The following MACROD2 variants were observed in gnomAD, a reference collection of about 807,000 sequenced individuals.
MACROD2 encodes ADP-ribose glycohydrolase MACROD2.
A neutral mutation model predicts 70.4 loss-of-function variants in MACROD2; 36 were observed. The ratio of observed to expected loss-of-function variants is 0.51; its 90% CI spans 0.39 to 0.68. The LOEUF (loss-of-function observed/expected upper bound fraction) is 0.68. Among genes scored for constraint, MACROD2 ranks in the 30% least tolerant of loss-of-function variants. The pLI is 0.00. For synonymous variants in MACROD2, 172 were observed against 178.8 expected, an observed-to-expected ratio of 0.96 and a Z score of 0.30; for missense variants, 496 against 538.4, an observed-to-expected ratio of 0.92 and a Z score of 0.78.
chr20:16,042,370 A>G (rs1417031208), intron 16 of MACROD2, among the ~76,000 whole-genome samples: 1 of 152,018 alleles, frequency 6.6e-6, no homozygotes, highest in East Asian at 1.9e-4. Context: ...ATGGTTCTTA[A>G]CTAGTTATTT....
At chr20:15,217,880 T>A (rs1237108997) in intron 5 of MACROD2, among the ~76,000 whole-genome samples, 1 of 152,198 alleles carries the variant, frequency 6.6e-6, no homozygotes, top group East Asian at 1.9e-4. Context: ...CGAGTGCTTT[T>A]ACATTAATGG....
At chr20:14,820,703 T>G (rs1600697462) in intron 5 of MACROD2, among the ~76,000 whole-genome samples, 1 of 152,234 alleles carries the variant, frequency 6.6e-6, no homozygotes, top group East Asian at 1.9e-4. Context: ...TGGAAATAGA[T>G]TTCCGTTACA....
intron 3 of MACROD2, among the ~76,000 whole-genome samples, chr20:14,427,622 C>T (rs575254309): frequency 6.6e-6 from 1 of 152,110 alleles, no homozygotes; most frequent in South Asian, 2.1e-4. Flanking sequence ...AACCATGACA[C>T]ATGCCAAATT....
chr20:14,716,817 A>G (rs564611194), intron 5 of MACROD2, among the ~76,000 whole-genome samples: 199 of 152,082 alleles, frequency 1.3e-3, no homozygotes, highest in African/African-American at 4.6e-3. Context: ...GAACGAGACT[A>G]GCTTCCTAGT....
intron 2 of MACROD2, among the ~76,000 whole-genome samples, chr20:14,012,244 A>G (rs2052920784): frequency 6.6e-6 from 1 of 152,172 alleles, no homozygotes; most frequent in Admixed American, 6.6e-5. Context: ...TATAACACAT[A>G]TCAAACCATC....
chr20:14,364,745 T>A (rs1250689992), intron 3 of MACROD2, among the ~76,000 whole-genome samples: 2 of 152,216 alleles, frequency 1.3e-5, no homozygotes, highest in Non-Finnish European at 2.9e-5. Flanking sequence ...TTCGTTAGCA[T>A]AACGTTTTCA....
chr20:14,459,969 T>C (rs2084349114), intron 3 of MACROD2, among the ~76,000 whole-genome samples: 1 of 152,098 alleles, frequency 6.6e-6, no homozygotes, highest in African/African-American at 2.4e-5. Flanking sequence ...AGTGAGAACA[T>C]GTGGTGTTTG....
chr20:15,361,404 C>T (rs1267985135), intron 6 of MACROD2, among the ~76,000 whole-genome samples: 3 of 152,180 alleles, frequency 2.0e-5, no homozygotes, highest in Non-Finnish European at 4.4e-5. Flanking sequence ...TTTGGGTTCA[C>T]TATTACGATG....
At chr20:15,053,225 G>T (rs144323886) in intron 5 of MACROD2, among the ~76,000 whole-genome samples, 1 of 152,212 alleles carries the variant, frequency 6.6e-6, no homozygotes, top group African/African-American at 2.4e-5. Flanking sequence ...ACTGATGAGC[G>T]TGGCTATACC....
chr20:14,025,516 T>A (rs1426487620), intron 2 of MACROD2, among the ~76,000 whole-genome samples: 1 of 152,220 alleles, frequency 6.6e-6, no homozygotes, highest in Non-Finnish European at 1.5e-5. Context: ...CTGCTTTAGC[T>A]GTGTCCCAGG....
At chr20:14,574,172 C>T (rs571744817) in intron 4 of MACROD2, among the ~76,000 whole-genome samples, 46 of 152,154 alleles carry the variant, frequency 3.0e-4, no homozygotes, top group Non-Finnish European at 5.7e-4. Context: ...ATTCCTGAGG[C>T]TGTTTTCCCT....
intron 4 of MACROD2, among the ~76,000 whole-genome samples, chr20:14,596,753 G>T (rs991664258): frequency 2.6e-5 from 4 of 152,140 alleles, no homozygotes; most frequent in African/African-American, 9.6e-5. Flanking sequence ...TAGACAAGTT[G>T]CTCAACTTCT....
At chr20:15,274,450 C>T (rs1934947120) in intron 6 of MACROD2, among the ~76,000 whole-genome samples, 1 of 152,188 alleles carries the variant, frequency 6.6e-6, no homozygotes, top group African/African-American at 2.4e-5. Context: ...CTGGTTCTTA[C>T]TCTAGAAACA....
intron 8 of MACROD2, among the ~76,000 whole-genome samples, chr20:15,697,085 C>T (rs1051213396): frequency 3.9e-5 from 6 of 152,008 alleles, no homozygotes; most frequent in Admixed American, 1.3e-4. Flanking sequence ...TATTTCCTTT[C>T]GTCTGCGGGT....
chr20:15,268,431 C>T (rs1404992309), intron 6 of MACROD2, among the ~76,000 whole-genome samples: 1 of 152,146 alleles, frequency 6.6e-6, no homozygotes, highest in Non-Finnish European at 1.5e-5. Flanking sequence ...GTGGGTGGAT[C>T]ATGAGGTCAG....
intron 5 of MACROD2, among the ~76,000 whole-genome samples, chr20:14,707,504 C>G (rs1322581000): frequency 6.6e-6 from 1 of 152,136 alleles, no homozygotes; most frequent in Non-Finnish European, 1.5e-5. Flanking sequence ...CCATTGCTGT[C>G]TTAATTTCCA....
At chr20:15,186,743 C>T (rs1468314724) in intron 5 of MACROD2, among the ~76,000 whole-genome samples, 1 of 152,134 alleles carries the variant, frequency 6.6e-6, no homozygotes, top group African/African-American at 2.4e-5. Flanking sequence ...AGTCCTTGAA[C>T]TCCAAAAGTT....
chr20:14,330,087 T>A (rs1398332618), intron 3 of MACROD2, among the ~76,000 whole-genome samples: 2 of 152,034 alleles, frequency 1.3e-5, no homozygotes, highest in African/African-American at 4.8e-5. Context: ...ATTATTTCAA[T>A]CTCCTTGTAG....
chr20:15,937,748 T>C lies in MACROD2; in HGVS notation c.907+204T>C, dbSNP rs538254920. Among the ~76,000 whole-genome samples the C allele has an allele frequency of 7.2e-3, 978 of 136,674 alleles. 10 individuals are homozygous for C. The highest frequency in any genetic ancestry group is 0.033 in the African/African-American group (911 of 27,716). 89.7% of individuals were successfully genotyped at this position (136,674 alleles called of 152,430 possible). A position where few individuals can be genotyped will look rare whatever the true frequency, so the allele number is the denominator to read the frequency against. Reference sequence around the variant, plus strand: ...GAAAATTTATATATATATATATATATGTGTGTATATATGTATATATAACAT... The same window carrying C: ...GAAAATTTATATATATATATATATACGTGTGTATATATGTATATATAACAT... On this transcript the variant is annotated intron_variant, in intron 12 of 17. Transcript: ENST00000684519.
Sources: allele counts gnomAD v4.1 joint callset (sites outside exome capture counted in the v4.1 genomes callset), GRCh38; gene constraint gnomAD v4.1.1; transcripts MANE v1.5; gene names NCBI Gene and HGNC (gene_info 2026-07-23, HGNC 2026-07-21).